The following KCNQ1 variants were observed in gnomAD, a reference collection of about 807,000 sequenced individuals.
The protein encoded by KCNQ1 is potassium voltage-gated channel subfamily Q member 1.
Under a neutral mutation model 72.4 loss-of-function variants are expected in KCNQ1, and 49 were observed. The ratio of observed to expected loss-of-function variants is 0.68; its 90% CI spans 0.54 to 0.86. The LOEUF is 0.86. Among genes scored for constraint, KCNQ1 ranks in the 40% least tolerant of loss-of-function variants. The pLI, the probability that KCNQ1 is intolerant of heterozygous loss-of-function variation, is 0.00. For synonymous variants in KCNQ1, 450 were observed against 412.6 expected, an observed-to-expected ratio of 1.09 and a Z score of -1.10; for missense variants, 790 against 945.1, an observed-to-expected ratio of 0.84 and a Z score of 2.15.
intron 15 of KCNQ1, among the ~76,000 whole-genome samples, chr11:2,837,035 C>T (rs936545449): frequency 4.6e-5 from 7 of 152,182 alleles, no homozygotes; most frequent in Non-Finnish European, 8.8e-5. Context: ...GCAGAGAGCC[C>T]GTGGGCTGGG....
intron 15 of KCNQ1, among the ~76,000 whole-genome samples, chr11:2,796,083 C>T (rs1407413233): frequency 6.6e-6 from 1 of 152,256 alleles, no homozygotes; most frequent in Non-Finnish European, 1.5e-5. Context: ...ACTTCTACTG[C>T]AGCAGCCTAG....
At chr11:2,496,874 G>GCCTGGTGGTATCAAAATC (rs56276136) in intron 1 of KCNQ1, among the ~76,000 whole-genome samples, 1 of 151,758 alleles carries the variant, frequency 6.6e-6, no homozygotes, top group African/African-American at 2.4e-5. Context: ...TGTAAGGCAA[G>GCCTGGTGGTATCAAAATC]CCTCAGCATT....
chr11:2,532,854 G>A (rs769838112), intron 2 of KCNQ1, among the ~76,000 whole-genome samples: 4 of 152,240 alleles, frequency 2.6e-5, no homozygotes, highest in Non-Finnish European at 4.4e-5. Flanking sequence ...GAGGGAGGCT[G>A]TGCAGGGTTG....
chr11:2,472,005 C>CCT (rs1287666163), intron 1 of KCNQ1, among the ~76,000 whole-genome samples: 5 of 146,372 alleles, frequency 3.4e-5, no homozygotes, highest in African/African-American at 1.3e-4. Context: ...TGTGTGTGCA[C>CCT]ATGTGTATAG....
At chr11:2,774,103 A>G (rs541870184) in intron 12 of KCNQ1, among the ~76,000 whole-genome samples, 71 of 151,782 alleles carry the variant, frequency 4.7e-4, no homozygotes, top group African/African-American at 1.7e-3. Context: ...GGAAGGAGAA[A>G]CAGGGCTCAG....
chr11:2,596,082 G>C (rs1263054330), intron 10 of KCNQ1, among the ~76,000 whole-genome samples: 1 of 152,146 alleles, frequency 6.6e-6, no homozygotes, highest in African/African-American at 2.4e-5. Flanking sequence ...AGATGTGGCT[G>C]AAATATCATT....
intron 7 of KCNQ1, among the ~76,000 whole-genome samples, chr11:2,584,176 TGTG>T (rs1176885478): frequency 2.6e-5 from 4 of 152,234 alleles, no homozygotes; most frequent in Admixed American, 6.5e-5. Flanking sequence ...TGTGCTGTGT[TGTG>T]TGCACATGTA....
intron 11 of KCNQ1, chr11:2,689,455 C>T (rs1850552517): frequency 7.5e-6 from 3 of 398,650 alleles, no homozygotes; most frequent in Non-Finnish European, 1.3e-5. Context: ...ATGACACTCC[C>T]AGAGACCTCT....
Position 2,817,069 on chromosome 11 carries a change from C to G in KCNQ1, c.1795-30698C>G, listed in dbSNP as rs994922100. Among the ~76,000 whole-genome samples the G allele has an allele frequency of 6.6e-6, 1 of 152,082 alleles. No individual in the cohort carries two copies. The highest frequency in any genetic ancestry group is 1.5e-5 in the Non-Finnish European group (1 of 68,000). On this transcript the variant is annotated intron_variant, in intron 15 of 15. Coordinates refer to ENST00000155840, the MANE Select transcript of KCNQ1 (RefSeq NM_000218.3). The surrounding 1 kb of genome is among the most constrained non-coding windows in gnomAD (Gnocchi z 6.1). Reference sequence around the variant, plus strand: ...CCTGACCCCAGGAGACAGAGGGAACCCACCCTCACCCTAGTCCACATGCCC... The same window carrying G: ...CCTGACCCCAGGAGACAGAGGGAACGCACCCTCACCCTAGTCCACATGCCC...
Position 2,669,897 on chromosome 11 carries a change from C to T in KCNQ1, c.1514+7816C>T, listed in dbSNP as rs1466887545. 5.0e-6 allele frequency: 2 copies of T among 398,572 alleles called. No individual in the cohort carries two copies. Among genetic ancestry groups the T allele is most frequent in the Non-Finnish European group, 8.8e-6 (2 of 226,062 alleles). The allele number at this position is 398,572 out of a possible 1,614,324, so 24.7% of individuals were successfully genotyped here. ...AGCTGCTGTCCTTAATAAGATGTGC[C>T]TAGAGGCCTGAGAGTCCCAAGCTCC... On this transcript the variant is annotated intron_variant, in intron 11 of 15. Coordinates refer to ENST00000155840, the MANE Select transcript of KCNQ1 (RefSeq NM_000218.3). This position sits in a 1 kb window ranked among gnomAD's most constrained non-coding sequence, Gnocchi z 5.6.
Position 2,488,781 on chromosome 11 carries a change from C to A in KCNQ1, c.387-39147C>A, listed in dbSNP as rs577179759. Among the ~76,000 whole-genome samples, 1 of 152,260 alleles carries A rather than the reference C, an allele frequency of 6.6e-6. No individual in the cohort carries two copies. Among genetic ancestry groups the A allele is most frequent in the African/African-American group, 2.4e-5 (1 of 41,550 alleles). On this transcript the variant is annotated intron_variant, in intron 1 of 15. Transcript: ENST00000155840. This position sits in a 1 kb window ranked among gnomAD's most constrained non-coding sequence, Gnocchi z 5.1. ...CTAAAGGTTTGTCAATTCTTAAAATCTTTTCAGAGAAGCAACTTTGATTTA... is the reference window on the plus strand; with the variant it reads ...CTAAAGGTTTGTCAATTCTTAAAATATTTTCAGAGAAGCAACTTTGATTTA...
rs761923459 is a variant in KCNQ1, at chr11:2,471,670, G to A, written c.386+26186G>A. On this transcript the variant is annotated intron_variant, in intron 1 of 15. Transcript: ENST00000155840. The surrounding 1 kb of genome is among the most constrained non-coding windows in gnomAD (Gnocchi z 4.8). ...CACATGTGTATGGGTGTGTGCATGG[G>A]TGTGCACATGTGTATGGGTGTGCAT... Among the ~76,000 whole-genome samples the A allele has an allele frequency of 1.3e-5, 2 of 151,908 alleles. No individual in the cohort carries two copies. The highest frequency in any genetic ancestry group is 4.8e-5 in the African/African-American group (2 of 41,316).
intron 11 of KCNQ1, chr11:2,665,464 G>C (rs2283180): frequency 0.013 from 5,093 of 396,786 alleles, 158 homozygotes; most frequent in East Asian, 0.08. Flanking sequence ...GCACGACAGT[G>C]GGTGGGGACG....
At chr11:2,449,104 C>T (rs1846085026) in intron 1 of KCNQ1, among the ~76,000 whole-genome samples, 1 of 152,200 alleles carries the variant, frequency 6.6e-6, no homozygotes, top group South Asian at 2.1e-4. Flanking sequence ...CTGGGCATGG[C>T]CCTGTGGCTG....
chr11:2,671,804 A>C lies in KCNQ1; in HGVS notation c.1514+9723A>C, dbSNP rs115246282. 3.2e-3 allele frequency: 1,269 copies of C among 398,694 alleles called. 12 individuals carry two copies. Among genetic ancestry groups the C allele is most frequent in the African/African-American group, 0.023 (1,143 of 48,734 alleles). 24.7% of individuals were successfully genotyped at this position (398,694 alleles called of 1,614,324 possible). On this transcript the variant is annotated intron_variant, in intron 11 of 15. Coordinates refer to ENST00000155840, the MANE Select transcript of KCNQ1 (RefSeq NM_000218.3). This position sits in a 1 kb window ranked among gnomAD's most constrained non-coding sequence, Gnocchi z 4.7. Reference sequence around the variant, plus strand: ...TGACCCAGTCAGGGTTCTTCCCCCAAATAAATCCCTGCAACCCCACTGTGG... The same window carrying C: ...TGACCCAGTCAGGGTTCTTCCCCCACATAAATCCCTGCAACCCCACTGTGG...
chr11:2,754,061 T>TGAACATGAACACAC (rs1846264349), intron 11 of KCNQ1, among the ~76,000 whole-genome samples: 2 of 152,328 alleles, frequency 1.3e-5, no homozygotes, highest in South Asian at 2.1e-4. Flanking sequence ...CAGGAACACA[T>TGAACATGAACACAC]GCACATGAAC....
At position 2,537,282 on chromosome 11, in the gene KCNQ1, C is replaced by T. The variant is rs920341691; in HGVS notation, c.477+9264C>T. ...GTGCCATGGCAGATTTGAGTCCTGC[C>T]ATGGAGACCATGCAGCCCACAGGGC... is the stretch of plus-strand genomic sequence containing the variant. On this transcript the variant is annotated intron_variant, in intron 2 of 15. Transcript: ENST00000155840. The surrounding 1 kb of genome is among the most constrained non-coding windows in gnomAD (Gnocchi z 5.2). Among the ~76,000 whole-genome samples the T allele has an allele frequency of 3.3e-5, 5 of 152,054 alleles. No individual in the cohort carries two copies. Among genetic ancestry groups the T allele is most frequent in the Non-Finnish European group, 7.3e-5 (5 of 68,030 alleles).
chr11:2,521,454 T>C (rs1279754788), intron 1 of KCNQ1: 5 of 464,746 alleles, frequency 1.1e-5, no homozygotes, highest in Admixed American at 7.1e-5. Context: ...TCTTCAAGTA[T>C]TAACGTAATT....
chr11:2,523,751 G>GT (rs59766245), intron 1 of KCNQ1, among the ~76,000 whole-genome samples: 15,052 of 114,844 alleles, frequency 0.13, 1,316 homozygotes, highest in East Asian at 0.33. Flanking sequence ...GAAGTTTACA[G>GT]TTTTTTTTTT....
Sources: allele counts gnomAD v4.1 joint callset (sites outside exome capture counted in the v4.1 genomes callset), GRCh38; gene constraint gnomAD v4.1.1; non-coding constraint Gnocchi (gnomAD v3.1); transcripts MANE v1.5; gene names NCBI Gene and HGNC (gene_info 2026-07-23, HGNC 2026-07-21).